Variants in ST3GAL1 observed in about 807,000 individuals in gnomAD.
The protein encoded by ST3GAL1 is CMP-N-acetylneuraminate-beta-galactosamide-alpha-2,3-sialyltransferase 1.
Under a neutral mutation model 34.1 loss-of-function variants are expected in ST3GAL1, and 16 were observed. That is an observed-to-expected ratio of 0.47 (90% CI 0.32 to 0.71). ST3GAL1 has a LOEUF of 0.71. ST3GAL1 is among the 30% of genes least tolerant of loss of function. The pLI is 0.04. For synonymous variants in ST3GAL1, 191 were observed against 184.7 expected, an observed-to-expected ratio of 1.03 and a Z score of -0.28; for missense variants, 353 against 447.4, an observed-to-expected ratio of 0.79 and a Z score of 1.90.
At chr8:133,534,869 T>A (rs114817749) in intron 2 of ST3GAL1, among the ~76,000 whole-genome samples, 1 of 152,178 alleles carries the variant, frequency 6.6e-6, no homozygotes, top group South Asian at 2.1e-4. Flanking sequence ...GGGAAAGGCA[T>A]GCCTGGCCCA....
chr8:133,540,814 T>TATATATATATAGAC (rs1563733989), intron 2 of ST3GAL1, among the ~76,000 whole-genome samples: 4 of 131,332 alleles, frequency 3.0e-5, no homozygotes, highest in African/African-American at 1.2e-4. Flanking sequence ...TAGAGAGACA[T>TATATATATATAGAC]ATATATATAG....
rs1563688422 is a variant in ST3GAL1, at chr8:133,456,031, T to TCC, written c.*3731_*3732dup. Reference sequence around the variant, plus strand: ...GCCCTCTCCACCTTCTTTTTTTTTTTCCCTCCTATTTTACATTCTATTTTC... The same window carrying TCC: ...GCCCTCTCCACCTTCTTTTTTTTTTTCCCCCTCCTATTTTACATTCTATTTTC... On this transcript the variant is annotated 3_prime_UTR_variant, in exon 10 of 10. Transcript: ENST00000522652. 1.5e-5 allele frequency: 2 copies of TCC among 134,714 alleles called. No homozygotes were observed. The highest frequency in any genetic ancestry group is 3.9e-4 in the East Asian group (2 of 5,126). The allele number at this position is 134,714 out of a possible 1,614,324, so 8.3% of individuals were successfully genotyped here.
At chr8:133,494,953 C>T (rs939967939) in intron 3 of ST3GAL1, among the ~76,000 whole-genome samples, 1 of 135,018 alleles carries the variant, frequency 7.4e-6, no homozygotes, top group Non-Finnish European at 1.5e-5. Flanking sequence ...GAGTCTCGCT[C>T]TGTCACCCAG....
chr8:133,491,908 G>A (rs1816798080), intron 3 of ST3GAL1, among the ~76,000 whole-genome samples: 1 of 152,172 alleles, frequency 6.6e-6, no homozygotes, highest in Non-Finnish European at 1.5e-5. Flanking sequence ...AGGAAGAGTA[G>A]CTCTCATCAG....
At chr8:133,480,654 C>A (rs969560218) in intron 3 of ST3GAL1, among the ~76,000 whole-genome samples, 1 of 152,198 alleles carries the variant, frequency 6.6e-6, no homozygotes, top group Non-Finnish European at 1.5e-5. Context: ...AAAACTAAAA[C>A]CCAGAGAAGG....
intron 3 of ST3GAL1, among the ~76,000 whole-genome samples, chr8:133,484,530 C>T (rs1816506725): frequency 6.6e-6 from 1 of 152,162 alleles, no homozygotes; most frequent in Non-Finnish European, 1.5e-5. Flanking sequence ...TCCTTTCCTA[C>T]ACACTCTGTG....
chr8:133,494,378 G>T (rs900968641), intron 3 of ST3GAL1, among the ~76,000 whole-genome samples: 8 of 152,136 alleles, frequency 5.3e-5, no homozygotes, highest in African/African-American at 1.9e-4. Flanking sequence ...AGTTCCCTCT[G>T]AGCTCAGGCT....
chr8:133,558,611 G>A (rs904226252), intron 1 of ST3GAL1, among the ~76,000 whole-genome samples: 10 of 152,184 alleles, frequency 6.6e-5, no homozygotes, highest in African/African-American at 1.9e-4. Context: ...CCGTCCTCCC[G>A]CAAGTAATGG....
rs1185485849 is a variant in ST3GAL1 at position 133,467,095 on chromosome 8, GA to G, written c.307-1006del. Among the ~76,000 whole-genome samples the G allele has an allele frequency of 0.037, 4,475 of 119,772 alleles. 151 individuals carry two copies. Among genetic ancestry groups the G allele is most frequent in the African/African-American group, 0.11 (3,594 of 32,748 alleles). 78.6% of individuals were successfully genotyped at this position (119,772 alleles called of 152,430 possible). ...GGGTGACAGAGCGAGACTCCAACTC[GA>G]AAAAAAAAAAAAAAAGACCTAGCTC... On this transcript the variant is annotated intron_variant, in intron 5 of 9. Transcript: ENST00000522652. The surrounding 1 kb of genome is among the most constrained non-coding windows in gnomAD (Gnocchi z 4.2).
intron 2 of ST3GAL1, among the ~76,000 whole-genome samples, chr8:133,520,517 G>A (rs139168209): frequency 6.6e-6 from 1 of 152,254 alleles, no homozygotes; most frequent in East Asian, 1.9e-4. Flanking sequence ...GACCTTTCCT[G>A]AGCCAGGAGC....
rs1339738428 is a variant in ST3GAL1 at position 133,571,129 on chromosome 8, C to A, written c.-582+564G>T. ...CTCCCGGATCTGCGCCTGCTTGCAG[C>A]GGATTGGGGGACTCGATCCGGATAC... is the stretch of plus-strand genomic sequence containing the variant. On this transcript the variant is annotated intron_variant, in intron 1 of 9. Coordinates refer to ENST00000522652, the MANE Select transcript of ST3GAL1 (RefSeq NM_173344.3). The surrounding 1 kb of genome is among the most constrained non-coding windows in gnomAD (Gnocchi z 6.7). Among the ~76,000 whole-genome samples, 1 of 152,182 alleles carries A rather than the reference C, an allele frequency of 6.6e-6. No individual in the cohort carries two copies. Among genetic ancestry groups the A allele is most frequent in the African/African-American group, 2.4e-5 (1 of 41,448 alleles).
chr8:133,463,847 C>T (rs1430276852), intron 7 of ST3GAL1, among the ~76,000 whole-genome samples: 1 of 152,198 alleles, frequency 6.6e-6, no homozygotes, highest in Non-Finnish European at 1.5e-5. Flanking sequence ...CCCTTTCTCA[C>T]CTGGGCGGTT....
chr8:133,524,627 C>T (rs1019273249), intron 2 of ST3GAL1, among the ~76,000 whole-genome samples: 3 of 152,264 alleles, frequency 2.0e-5, no homozygotes, highest in African/African-American at 7.2e-5. Flanking sequence ...GGTGAGCTAG[C>T]ACAGGGTCCA....
intron 1 of ST3GAL1, among the ~76,000 whole-genome samples, chr8:133,550,339 T>C (rs918441089): frequency 2.6e-5 from 4 of 152,192 alleles, no homozygotes; most frequent in Non-Finnish European, 4.4e-5. Flanking sequence ...GTGAAGCATG[T>C]TCATACACAC....
chr8:133,518,987 G>A (rs1397402186), intron 2 of ST3GAL1, among the ~76,000 whole-genome samples: 1 of 152,128 alleles, frequency 6.6e-6, no homozygotes, highest in Admixed American at 6.5e-5. Context: ...AGGGAAGAGA[G>A]GAGGCCTGAG....
chr8:133,545,438 C>T (rs577087502), intron 2 of ST3GAL1, among the ~76,000 whole-genome samples: 40 of 152,338 alleles, frequency 2.6e-4, no homozygotes, highest in African/African-American at 9.6e-4. Flanking sequence ...TCATGCCAGG[C>T]CTTCGTCAGG....
At chr8:133,545,190 AG>A (rs1818643075) in intron 2 of ST3GAL1, among the ~76,000 whole-genome samples, 1 of 152,256 alleles carries the variant, frequency 6.6e-6, no homozygotes, top group South Asian at 2.1e-4. Flanking sequence ...TGTAGACCAG[AG>A]GTTGCAACAC....
At chr8:133,482,325 T>C (rs1196195623) in intron 3 of ST3GAL1, among the ~76,000 whole-genome samples, 1 of 152,200 alleles carries the variant, frequency 6.6e-6, no homozygotes, top group Non-Finnish European at 1.5e-5. Context: ...CATCTTTTCT[T>C]TGCCTTTCCA....
At chr8:133,492,447 G>C (rs868124402) in intron 3 of ST3GAL1, among the ~76,000 whole-genome samples, 1 of 152,206 alleles carries the variant, frequency 6.6e-6, no homozygotes, top group African/African-American at 2.4e-5. Flanking sequence ...GGGGCCAGGC[G>C]TGGTGGCTCA....
Sources: allele counts gnomAD v4.1 joint callset (sites outside exome capture counted in the v4.1 genomes callset), GRCh38; gene constraint gnomAD v4.1.1; non-coding constraint Gnocchi (gnomAD v3.1); transcripts MANE v1.5; gene names NCBI Gene and HGNC (gene_info 2026-07-23, HGNC 2026-07-21).